The following CELSR2 variants were observed in gnomAD, a reference collection of about 807,000 sequenced individuals.
CELSR2 encodes EGF-like protein 2.
In CELSR2, 81 loss-of-function variants were observed where a neutral mutation model predicts 251.6. The observed-to-expected ratio is 0.32, with a 90% confidence interval of 0.27 to 0.39. The LOEUF (loss-of-function observed/expected upper bound fraction) is 0.39. Among genes scored for constraint, CELSR2 ranks in the 10% least tolerant of loss-of-function variants. The pLI, the probability that CELSR2 is intolerant of heterozygous loss-of-function variation, is 1.00. For synonymous variants in CELSR2, 1,721 were observed against 1,670.5 expected (o/e 1.03, Z -0.74); for missense variants, 3,365 against 3,947.7 (o/e 0.85, Z 3.96).
intron 18 of CELSR2, 29 bp from the exon 19 acceptor site, chr1:109,268,851 G>A (rs543266981): frequency 6.3e-7 from 1 of 1,590,456 alleles, no homozygotes; most frequent in East Asian, 2.3e-5. Flanking sequence ...TGCCTCACAG[G>A]TCCGATCTGT....
intron 24 of CELSR2, 28 bp from the exon 25 acceptor site, chr1:109,270,899 A>C (rs1656351682): frequency 1.3e-6 from 2 of 1,545,434 alleles, no homozygotes; most frequent in African/African-American, 1.4e-5. Context: ...TCACCCCTCC[A>C]CTGCTCCCGT....
At chr1:109,263,582 TCA>T (rs1428519947) in intron 8 of CELSR2, 27 bp from the exon 9 acceptor site, 1 of 1,610,070 alleles carries the variant, frequency 6.2e-7, no homozygotes, top group Non-Finnish European at 8.5e-7. Context: ...GCTCCACCCG[TCA>T]CAGTCTGCCT....
Position 109,270,558 on chromosome 1 carries a change from T to C in CELSR2, c.7441T>C (p.Phe2481Leu). The part of the protein sequence containing the change: ...VRDVNTGPMR[F>L]YYMLGWGVPA... ...CGATGTCAACACCGGCCCCATGCGC[T>C]TCTACTACATGCTGGGCTGGGGCGT... The change falls in exon 24 of 34, where the codon TTC becomes CTC. Residue 2481 changes from phenylalanine to leucine, a missense_variant. Coordinates refer to ENST00000271332, the MANE Select transcript of CELSR2 (RefSeq NM_001408.3). 6.2e-7 allele frequency: 1 copy of C among 1,614,168 alleles called. No homozygotes were observed.
intron 15 of CELSR2, among the ~76,000 whole-genome samples, chr1:109,266,602 AG>A (rs1223743647): frequency 7.6e-6 from 1 of 131,164 alleles, no homozygotes; most frequent in African/African-American, 3.0e-5. Context: ...TAGTAGAGAC[AG>A]GGTTTCACCA....
Position 109,251,755 on chromosome 1 carries a change from C to T in CELSR2, c.1676C>T (p.Thr559Ile), listed in dbSNP as rs765542567. Residue 559 changes from threonine to isoleucine, a missense_variant, in exon 1 of 34, where the codon ACA becomes ATA. Around this residue, in one of 5 missense-constraint regions of CELSR2, gnomAD observed 704 missense variants for 784.1 expected, o/e 0.90. Transcript: ENST00000271332. This position sits in a 1 kb window ranked among gnomAD's most constrained non-coding sequence, Gnocchi z 4.9. ...TTCCCCTTCACCATCAACAATGGCACAGGCTGGATCTCTGTGGCTGCTGAA... is the reference window on the plus strand; with the variant it reads ...TTCCCCTTCACCATCAACAATGGCATAGGCTGGATCTCTGTGGCTGCTGAA... ...HDFPFTINNG[T>I]GWISVAAELD... The T allele has an allele frequency of 2.5e-6, 4 of 1,613,994 alleles. No homozygotes were observed. The highest frequency in any genetic ancestry group is 3.3e-5 in the Admixed American group (2 of 59,992).
rs755796488 is a variant in CELSR2, at chr1:109,262,292, G to T, written c.4392G>T (p.Leu1464=). 1.9e-6 allele frequency: 3 copies of T among 1,613,938 alleles called. No homozygotes were observed. The South Asian group carries it at 3.3e-5, about 18-fold the overall frequency. ...CTGCTCTTTCCTGTCCACAGCCACTGTTGGGTCAGACAGGGCTCCCACAGG... is the reference window on the plus strand; with the variant it reads ...CTGCTCTTTCCTGTCCACAGCCACTTTTGGGTCAGACAGGGCTCCCACAGG... The part of the protein sequence containing the change: ...TVQLKYYNKP[L]LGQTGLPQGP... The change falls in exon 6 of 34, where the codon CTG becomes CTT. Residue 1464 remains leucine (L), a synonymous_variant. Coordinates refer to ENST00000271332, the MANE Select transcript of CELSR2 (RefSeq NM_001408.3).
At chr1:109,270,203 C>A (rs1331318818) in intron 23 of CELSR2, 70 bp downstream of exon 23, 1 of 1,507,172 alleles carries the variant, frequency 6.6e-7, no homozygotes, top group East Asian at 2.3e-5. Flanking sequence ...CCACTGGCAA[C>A]CCCTGCTCCT....
rs45625433 is a variant in CELSR2, at chr1:109,264,384, C to G, written c.5289+19C>G. 1 of 1,598,546 alleles carries G rather than the reference C, an allele frequency of 6.3e-7. No homozygotes were observed. Among genetic ancestry groups the G allele is most frequent in the Admixed American group, 1.7e-5 (1 of 59,732 alleles). Reference sequence around the variant, plus strand: ...TTTGCAGGTGAGTGTCCTGCCCTGCCCTCCCATCCCCTCCCCCACCACCTG... The same window carrying G: ...TTTGCAGGTGAGTGTCCTGCCCTGCGCTCCCATCCCCTCCCCCACCACCTG... On this transcript the variant is annotated intron_variant, in intron 10 of 33. Coordinates refer to ENST00000271332, the MANE Select transcript of CELSR2 (RefSeq NM_001408.3).
chr1:109,251,211 C>G lies in CELSR2; in HGVS notation c.1132C>G (p.Pro378Ala). 1 of 1,613,906 alleles carries G rather than the reference C, an allele frequency of 6.2e-7. No homozygotes were observed. The highest frequency in any genetic ancestry group is 8.5e-7 in the Non-Finnish European group (1 of 1,179,998). ...EASDQGRDPG[P>A]RSTTAAVFLS... ...AAGTGACCAGGGTCGGGACCCGGGT[C>G]CTCGGAGTACCACAGCCGCTGTTTT... The change falls in exon 1 of 34, where the codon CCT (proline) becomes GCT (alanine). Residue 378 changes from proline (P) to alanine (A), a missense_variant. Pro to Ala is a conservative substitution (Grantham distance 27). Coordinates refer to ENST00000271332, the MANE Select transcript of CELSR2 (RefSeq NM_001408.3). The surrounding 1 kb of genome is among the most constrained non-coding windows in gnomAD (Gnocchi z 4.9).
intron 33 of CELSR2, 142 bp from the exon 34 acceptor site, chr1:109,273,880 C>T (rs1016025200): frequency 7.9e-7 from 1 of 1,264,314 alleles, no homozygotes; most frequent in African/African-American, 1.5e-5. Context: ...CGGCGCAGCC[C>T]AGCCTAGGGC....
At chr1:109,263,827 A>T (rs1289896746) in intron 9 of CELSR2, 50 bp downstream of exon 9, 1 of 1,589,790 alleles carries the variant, frequency 6.3e-7, no homozygotes, top group South Asian at 1.1e-5. Flanking sequence ...GGGCCCTGGT[A>T]GCCTCTAGGC....
chr1:109,271,654 C>T lies in CELSR2; in HGVS notation c.7858C>T (p.Leu2620Phe), dbSNP rs943071174. Residue 2620 changes from leucine (L) to phenylalanine (F), a missense_variant, in exon 28 of 34, where the codon CTC becomes TTC. Physicochemically the swap from Leu to Phe is conservative, Grantham distance 22. Transcript: ENST00000271332. ...VVLSKEVRKA[L>F]KLACSRKPSP... is the part of the protein sequence containing the mutation. ...GCTTAGCAAGGAGGTCCGGAAAGCA[C>T]TCAAGCTTGCCTGCAGCCGCAAGCC... 2 of 1,613,930 alleles carry T rather than the reference C, an allele frequency of 1.2e-6. No individual in the cohort carries two copies. The highest frequency in any genetic ancestry group is 1.7e-5 in the Admixed American group (1 of 60,010).
In CELSR2 at chr1:109,271,503, T is replaced by C. The variant is rs906060433; in HGVS notation, c.7794T>C (p.Asn2598=). ...LLFHYLFATC[N]CIQGPFIFLS... ...TCCACTACCTCTTTGCTACCTGCAA[T>C]TGCATCCAGGTACCTGGCCCAGCCT... Residue 2598 remains asparagine (N), a synonymous_variant, in exon 27 of 34, where the codon AAT becomes AAC. Coordinates refer to ENST00000271332, the MANE Select transcript of CELSR2 (RefSeq NM_001408.3). 2 of 1,613,982 alleles carry C rather than the reference T, an allele frequency of 1.2e-6. No individual in the cohort carries two copies. Among genetic ancestry groups the C allele is most frequent in the Non-Finnish European group, 1.7e-6 (2 of 1,180,020 alleles).
Position 109,263,342 on chromosome 1 carries a change from C to A in CELSR2, c.4834+75C>A. On this transcript the variant is annotated intron_variant, in intron 8 of 33. Transcript: ENST00000271332. ...TGGGAACTGGCAGGGTTGGGGCAGG[C>A]ACTGGGCAGGGCTCTGCTGAGCGGG... 6 of 1,518,800 alleles carry A rather than the reference C, an allele frequency of 4.0e-6. No individual in the cohort carries two copies. The East Asian group carries it at 1.4e-4, about 35-fold the overall frequency. The allele number at this position is 1,518,800 out of a possible 1,614,324, so 94.1% of individuals were successfully genotyped here.
In CELSR2 at chr1:109,274,132, C is replaced by T; in HGVS notation, c.*83C>T. On this transcript the variant is annotated 3_prime_UTR_variant, in exon 34 of 34. Transcript: ENST00000271332. The stretch of plus-strand genomic sequence containing the variant: ...CCCTGCTCCTGTCTTGTGCTTTATC[C>T]TGCCCCGCTCCCCATCGCCTGCCCG... 6.2e-7 allele frequency: 1 copy of T among 1,610,288 alleles called. No homozygotes were observed. Among genetic ancestry groups the T allele is most frequent in the Admixed American group, 1.7e-5 (1 of 59,952 alleles).
In CELSR2 at chr1:109,273,750, C is replaced by G. The variant is rs903907089; in HGVS notation, c.8744+80C>G. ...GGCCCAGAGCTGCCTCCGGGCCTCC[C>G]CAGGTGACTCTGGATGGCATTTGGA... On this transcript the variant is annotated intron_variant, in intron 33 of 33. Coordinates refer to ENST00000271332, the MANE Select transcript of CELSR2 (RefSeq NM_001408.3). 16 of 1,164,258 alleles carry G rather than the reference C, an allele frequency of 1.4e-5. No individual in the cohort carries two copies. In the African/African-American group the frequency reaches 2.2e-4, roughly 16 times the overall value. The allele number at this position is 1,164,258 out of a possible 1,614,324, so 72.1% of individuals were successfully genotyped here. A position where few individuals can be genotyped will look rare whatever the true frequency, so the allele number is the denominator to read the frequency against.
At position 109,252,154 on chromosome 1, in the gene CELSR2, G is replaced by A. The variant is rs762541244; in HGVS notation, c.2075G>A (p.Arg692Gln). ...VLAVTASDGT[R>Q]QDTAQIVVNV... ...GCTGTTACCGCCTCCGATGGCACTC[G>A]GCAGGACACGGCACAGATTGTGGTG... Residue 692 changes from arginine (R) to glutamine (Q), a missense_variant, in exon 1 of 34, where the codon CGG (arginine) becomes CAG (glutamine). By Grantham distance (43) the Arg-to-Gln change is conservative. Around this residue, in one of 5 missense-constraint regions of CELSR2, gnomAD observed 505 missense variants for 660.0 expected, o/e 0.77. Coordinates refer to ENST00000271332, the MANE Select transcript of CELSR2 (RefSeq NM_001408.3). The surrounding 1 kb of genome is among the most constrained non-coding windows in gnomAD (Gnocchi z 4.8). The A allele has an allele frequency of 1.9e-6, 3 of 1,613,854 alleles. No individual in the cohort carries two copies. The highest frequency in any genetic ancestry group is 1.3e-5 in the African/African-American group (1 of 74,918).
In CELSR2 at chr1:109,249,977, G is replaced by T. The variant is rs1400617719; in HGVS notation, c.-103G>T. On this transcript the variant is annotated 5_prime_UTR_variant, in exon 1 of 34. Transcript: ENST00000271332. ...GCGGGGCGCACGGGAGGCCCCCGGG[G>T]ACTGGCGCCCTGGCCCGGGCATGAG... is the stretch of plus-strand genomic sequence containing the variant. 2.7e-6 allele frequency: 3 copies of T among 1,107,338 alleles called. No individual in the cohort carries two copies. Among genetic ancestry groups the T allele is most frequent in the South Asian group, 4.4e-5 (1 of 22,552 alleles). 68.6% of individuals were successfully genotyped at this position (1,107,338 alleles called of 1,614,324 possible).
rs1655621196 is a variant in CELSR2 at position 109,249,802 on chromosome 1, G to A, written c.-278G>A. On this transcript the variant is annotated 5_prime_UTR_variant, in exon 1 of 34. In the 5' UTR this introduces an upstream ATG that the reference lacks. Coordinates refer to ENST00000271332, the MANE Select transcript of CELSR2 (RefSeq NM_001408.3). The stretch of plus-strand genomic sequence containing the variant: ...GCCGCGGGGCCCCCGGGCGCAGGTG[G>A]TGAGTGCCCGGAGCGCAGGTGGAGG... Among the ~76,000 whole-genome samples the A allele has an allele frequency of 6.7e-6, 1 of 149,928 alleles. No individual in the cohort carries two copies. The highest frequency in any genetic ancestry group is 1.5e-5 in the Non-Finnish European group (1 of 67,184).
Sources: allele counts gnomAD v4.1 joint callset (sites outside exome capture counted in the v4.1 genomes callset), GRCh38; gene constraint gnomAD v4.1.1; regional missense constraint gnomAD v4.1.1; non-coding constraint Gnocchi (gnomAD v3.1); transcripts MANE v1.5; gene names NCBI Gene and HGNC (gene_info 2026-07-23, HGNC 2026-07-21).